RFC1: variants seen among roughly 807,000 people sequenced by gnomAD.
RFC1 encodes the protein A1 140 kDa subunit.
A neutral mutation model predicts 137.4 loss-of-function variants in RFC1; 37 were observed. The observed-to-expected ratio is 0.27, with a 90% CI of 0.21 to 0.35. RFC1 has a LOEUF of 0.35. Among genes scored for constraint, RFC1 ranks in the 10% least tolerant of loss-of-function variants. The probability of loss-of-function intolerance (pLI) is 1.00; values close to 1 mark genes in which losing one functional copy is unlikely to be tolerated. For synonymous variants in RFC1, 429 were observed against 455.7 expected, an observed-to-expected ratio of 0.94 and a Z score of 0.75; for missense variants, 1,205 against 1,358.5, an observed-to-expected ratio of 0.89 and a Z score of 1.78.
At chr4:39,356,707 A>C (rs1187143679) in intron 1 of RFC1, among the ~76,000 whole-genome samples, 1 of 152,214 alleles carries the variant, frequency 6.6e-6, no homozygotes, top group Non-Finnish European at 1.5e-5. Context: ...GCTACAAAAA[A>C]CAAAAATATA....
intron 23 of RFC1, 62 bp from the exon 24 acceptor site, chr4:39,290,101 C>G (rs1302383214): frequency 9.4e-6 from 12 of 1,278,028 alleles, no homozygotes; most frequent in Middle Eastern, 1.9e-4. Flanking sequence ...CTTTTAAACT[C>G]TGTAAGCCTA....
chr4:39,332,807 T>G (rs1740165382), intron 4 of RFC1, among the ~76,000 whole-genome samples: 1 of 152,178 alleles, frequency 6.6e-6, no homozygotes, highest in African/African-American at 2.4e-5. Context: ...AACATTTAGG[T>G]TACTGGGAAG....
intron 1 of RFC1, among the ~76,000 whole-genome samples, 187 bp from the exon 2 acceptor site, chr4:39,351,663 G>T (rs541069765): frequency 6.6e-6 from 1 of 152,210 alleles, no homozygotes; most frequent in African/African-American, 2.4e-5. Context: ...CTTTACCTGA[G>T]TTAAGAATAA....
intron 2 of RFC1, among the ~76,000 whole-genome samples, chr4:39,345,784 C>A (rs148566507): frequency 2.0e-5 from 3 of 152,136 alleles, no homozygotes; most frequent in Admixed American, 1.3e-4. Context: ...CCCCGCCCCC[C>A]AGAAGGCATT....
Position 39,366,307 on chromosome 4 carries a change from G to A in RFC1, c.-66C>T, listed in dbSNP as rs907105974. ...GCCGGTTGAGGAATCTGTTATCGAGGCTCAGGATCCATTCGCGCCAACAAC... is the reference window on the plus strand; with the variant it reads ...GCCGGTTGAGGAATCTGTTATCGAGACTCAGGATCCATTCGCGCCAACAAC... On this transcript the variant is annotated 5_prime_UTR_variant, in exon 1 of 25. Coordinates refer to ENST00000349703, the MANE Select transcript of RFC1 (RefSeq NM_002913.5). 8.2e-6 allele frequency: 12 copies of A among 1,463,894 alleles called. No individual in the cohort carries two copies. The African/African-American group carries it at 1.3e-4, about 16-fold the overall frequency. 90.7% of individuals were successfully genotyped at this position (1,463,894 alleles called of 1,614,324 possible). A position where few individuals can be genotyped will look rare whatever the true frequency, so the allele number is the denominator to read the frequency against.
chr4:39,323,352 G>A lies in RFC1; in HGVS notation c.708C>T (p.Pro236=). 2 of 1,613,888 alleles carry A rather than the reference G, an allele frequency of 1.2e-6. No homozygotes were observed. The highest frequency in any genetic ancestry group is 8.5e-7 in the Non-Finnish European group (1 of 1,179,890). The change falls in exon 7 of 25, where the codon CCC becomes CCT. Residue 236 remains proline (P), a synonymous_variant. Coordinates refer to ENST00000349703, the MANE Select transcript of RFC1 (RefSeq NM_002913.5). ...AACATTATGCCACCTTTTTGGTCTT[G>A]GGTTCTTCATCCAACATGGCTAATG... The part of the protein sequence containing the change: ...ARTLAMLDEE[P]KTKKARKDTE...
chr4:39,299,902 G>A (rs1045678850), intron 21 of RFC1, 119 bp downstream of exon 21: 24 of 668,884 alleles, frequency 3.6e-5, no homozygotes, highest in African/African-American at 1.6e-4. Context: ...GCAACAGAGC[G>A]AGACTCGATC....
rs17335528 is a variant in RFC1 at position 39,292,683 on chromosome 4, C to A, written c.2955-831G>T. The stretch of plus-strand genomic sequence containing the variant: ...AAAGACGAAGCCTCACTCTTGTTGC[C>A]CAGGCTGGTGTGCAGTGGTGCAGTC... On this transcript the variant is annotated intron_variant, in intron 22 of 24. Coordinates refer to ENST00000349703, the MANE Select transcript of RFC1 (RefSeq NM_002913.5). Among the ~76,000 whole-genome samples the A allele has an allele frequency of 3.5e-3, 526 of 151,244 alleles. 1 individual carries two copies. The highest frequency in any genetic ancestry group is 0.012 in the African/African-American group (486 of 41,146).
At chr4:39,299,990 G>T in intron 21 of RFC1, 31 bp downstream of exon 21, 1 of 1,248,412 alleles carries the variant, frequency 8.0e-7, no homozygotes, top group Non-Finnish European at 1.2e-6. Flanking sequence ...TAAAAGCAGA[G>T]CCTGCATGTT....
intron 1 of RFC1, among the ~76,000 whole-genome samples, chr4:39,353,678 G>A (rs1023580687): frequency 1.3e-5 from 2 of 152,062 alleles, no homozygotes; most frequent in African/African-American, 2.4e-5. Context: ...AATGAGTTTC[G>A]TATCAGTTTC....
At chr4:39,353,176 G>A (rs568066195) in intron 1 of RFC1, among the ~76,000 whole-genome samples, 1 of 151,904 alleles carries the variant, frequency 6.6e-6, no homozygotes, top group African/African-American at 2.4e-5. Flanking sequence ...CAATGCAAAA[G>A]GATCACTTGA....
At chr4:39,299,609 T>C (rs1414825987) in intron 21 of RFC1, among the ~76,000 whole-genome samples, 3 of 78,500 alleles carry the variant, frequency 3.8e-5, no homozygotes, top group Non-Finnish European at 7.0e-5. Context: ...CAACACTGTC[T>C]CAAAAAAAAA....
intron 21 of RFC1, among the ~76,000 whole-genome samples, chr4:39,299,464 T>A (rs560597454): frequency 6.6e-6 from 1 of 151,726 alleles, no homozygotes; most frequent in South Asian, 2.1e-4. Flanking sequence ...ATACAAAAAA[T>A]TAGCTGGGCG....
chr4:39,291,178 G>T (rs1564710), intron 23 of RFC1, among the ~76,000 whole-genome samples: 77,554 of 151,994 alleles, frequency 0.51, 21,429 homozygotes, highest in African/African-American at 0.73. Context: ...GAAAAGTGGG[G>T]ATACATTATT....
rs1467847088 is a variant in RFC1 at position 39,320,524 on chromosome 4, C to T, written c.954G>A (p.Lys318=). Residue 318 remains lysine, a synonymous_variant, in exon 9 of 25, where the codon AAG becomes AAA. Transcript: ENST00000349703. ...GEVSSPKASS[K]LAIMKRKEES... ...CTTCTTTTCTTTTCATAATTGCCAG[C>T]TTAGAACTGGCCTTGGGAGAAGAGA... The T allele has an allele frequency of 6.2e-7, 1 of 1,613,320 alleles. No homozygotes were observed. Among genetic ancestry groups the T allele is most frequent in the Non-Finnish European group, 8.5e-7 (1 of 1,179,850 alleles).
At position 39,333,705 on chromosome 4, in the gene RFC1, C is replaced by G. The variant is rs150720002; in HGVS notation, c.332-5949G>C. On this transcript the variant is annotated intron_variant, in intron 4 of 24. Transcript: ENST00000349703. ...GGGAGGTTCTTGTTATGAGCCTCCTCTACCAGAGATCTCTTTACAATAGTG... is the reference window on the plus strand; with the variant it reads ...GGGAGGTTCTTGTTATGAGCCTCCTGTACCAGAGATCTCTTTACAATAGTG... Among the ~76,000 whole-genome samples, 1,263 of 152,288 alleles carry G rather than the reference C, an allele frequency of 8.3e-3. 18 individuals are homozygous for G. The highest frequency in any genetic ancestry group is 0.027 in the African/African-American group (1,141 of 41,570).
At chr4:39,323,748 T>A (rs1739631618) in intron 6 of RFC1, among the ~76,000 whole-genome samples, 1 of 152,220 alleles carries the variant, frequency 6.6e-6, no homozygotes, top group Admixed American at 6.5e-5. Flanking sequence ...TTCTATTTAT[T>A]ATCTAAAAAG....
intron 23 of RFC1, among the ~76,000 whole-genome samples, chr4:39,291,073 C>A (rs1470134610): frequency 4.6e-5 from 7 of 152,094 alleles, no homozygotes; most frequent in African/African-American, 1.7e-4. Context: ...GAGAATATGT[C>A]TTCTAAAACG....
At chr4:39,298,433 T>C (rs1738154981) in intron 21 of RFC1, among the ~76,000 whole-genome samples, 1 of 152,176 alleles carries the variant, frequency 6.6e-6, no homozygotes, top group Admixed American at 6.5e-5. Context: ...TTACTTATTT[T>C]ATTACTCAGG....
Sources: allele counts gnomAD v4.1 joint callset (sites outside exome capture counted in the v4.1 genomes callset), GRCh38; gene constraint gnomAD v4.1.1; transcripts MANE v1.5; gene names NCBI Gene and HGNC (gene_info 2026-07-23, HGNC 2026-07-21).